MYLK: variants seen among roughly 807,000 people sequenced by gnomAD.
The protein encoded by MYLK is myosin light chain kinase.
MYLK carries 106 observed loss-of-function variants against 203.4 expected under a neutral mutation model. The ratio of observed to expected loss-of-function variants is 0.52; its 90% CI spans 0.45 to 0.61. The LOEUF is 0.61. Among genes scored for constraint, MYLK ranks in the 20% least tolerant of loss-of-function variants. MYLK has a pLI of 0.00. For synonymous variants in MYLK, 867 were observed against 959.5 expected (o/e 0.90, Z 1.78); for missense variants, 2,072 against 2,442.3 (o/e 0.85, Z 3.20).
At chr3:123,639,735 C>T (rs144258199) in intron 28 of MYLK, among the ~76,000 whole-genome samples, 3 of 152,306 alleles carry the variant, frequency 2.0e-5, no homozygotes, top group African/African-American at 7.2e-5. Context: ...CAGCACATCC[C>T]CTGGCTCACA....
Position 123,648,948 on chromosome 3 carries a change from A to G in MYLK, c.4415+23T>C, listed in dbSNP as rs745699460. 16 of 1,608,256 alleles carry G rather than the reference A, an allele frequency of 9.9e-6. No homozygotes were observed. The highest frequency in any genetic ancestry group is 3.3e-5 in the Admixed American group (2 of 59,998). ...CACCACCCTCACCCTGGGAGCCCAG[A>G]GGCAACTTCCCACTCCACTTACGAT... On this transcript the variant is annotated intron_variant, in intron 26 of 33. Transcript: ENST00000360304. This position sits in a 1 kb window ranked among gnomAD's most constrained non-coding sequence, Gnocchi z 4.5.
chr3:123,845,179 T>C (rs2066684338), intron 2 of MYLK, among the ~76,000 whole-genome samples: 1 of 152,164 alleles, frequency 6.6e-6, no homozygotes, highest in Non-Finnish European at 1.5e-5. Context: ...AGGACTGACC[T>C]CCCTGTGGAA....
At chr3:123,638,832 T>A in intron 28 of MYLK, 1 of 985,438 alleles carries the variant, frequency 1.0e-6, no homozygotes. Flanking sequence ...CCCAGGGTGG[T>A]ACCTCTTGGC....
rs111906623 is a variant in MYLK at position 123,671,457 on chromosome 3, C to T, written c.3653-4270G>A. 6.4e-3 allele frequency among the ~76,000 whole-genome samples: 973 copies of T among 152,224 alleles called. 9 individuals carry two copies. Among genetic ancestry groups the T allele is most frequent in the African/African-American group, 0.022 (919 of 41,512 alleles). On this transcript the variant is annotated intron_variant, in intron 20 of 33. Coordinates refer to ENST00000360304, the MANE Select transcript of MYLK (RefSeq NM_053025.4). ...GACACAGGAGAGGGCTGTGGAAGGA[C>T]CCTGAGAGCAGGAGGAGTGTCGCCA...
chr3:123,708,700 T>G lies in MYLK; in HGVS notation c.2138A>C (p.Gln713Pro). Residue 713 changes from glutamine (Q) to proline (P), a missense_variant and splice_region_variant, in exon 15 of 34, where the codon CAA becomes CCA. By Grantham distance (76) the Gln-to-Pro change is moderately conservative (BLOSUM62 -1). Transcript: ENST00000360304. ...EVRTQAVLTVQEPHDGTQPWF... is the reference protein window; with the variant it reads ...EVRTQAVLTVPEPHDGTQPWF... ...CGCTCTGAGTGGGTCAGCCTCACCT[T>G]GTACCGTGAGCACGGCCTGGGTGCG... 1 of 1,614,058 alleles carries G rather than the reference T, an allele frequency of 6.2e-7. No homozygotes were observed. Among genetic ancestry groups the G allele is most frequent in the South Asian group, 1.1e-5 (1 of 91,088 alleles).
rs779565761 is a variant in MYLK at position 123,640,256 on chromosome 3, G to A, written c.4837+31C>T. ...GGAAACGGCCAGTGCAATACACACT[G>A]GTGTCCATGGGAGAGGCAGATGAGC... On this transcript the variant is annotated intron_variant, in intron 28 of 33. Coordinates refer to ENST00000360304, the MANE Select transcript of MYLK (RefSeq NM_053025.4). The surrounding 1 kb of genome is among the most constrained non-coding windows in gnomAD (Gnocchi z 4.3). The A allele has an allele frequency of 6.3e-7, 1 of 1,597,794 alleles. No individual in the cohort carries two copies. Among genetic ancestry groups the A allele is most frequent in the Non-Finnish European group, 8.6e-7 (1 of 1,165,524 alleles).
chr3:123,810,954 C>G (rs981452432), intron 3 of MYLK, among the ~76,000 whole-genome samples: 1 of 152,232 alleles, frequency 6.6e-6, no homozygotes, highest in East Asian at 1.9e-4. Context: ...CTACCTTTTT[C>G]TCCTCACACT....
chr3:123,666,870 G>C, intron 21 of MYLK: 1 of 598,536 alleles, frequency 1.7e-6, no homozygotes, highest in East Asian at 2.8e-5. Flanking sequence ...GGGCAGGCAG[G>C]AGAGCTGCTA....
chr3:123,701,806 ATCAC>A (rs1234008415), intron 16 of MYLK, among the ~76,000 whole-genome samples: 2 of 152,242 alleles, frequency 1.3e-5, no homozygotes, highest in East Asian at 1.9e-4. Context: ...CATTCAATCA[ATCAC>A]TCACTCACTC....
chr3:123,654,713 C>CTTTTT (rs1201129769), intron 24 of MYLK, among the ~76,000 whole-genome samples: 18 of 125,276 alleles, frequency 1.4e-4, no homozygotes, highest in Non-Finnish European at 1.8e-4. Context: ...TTCTTTAATT[C>CTTTTT]TTTTTTTTTT....
chr3:123,627,642 A>G (rs1280962447), intron 30 of MYLK, among the ~76,000 whole-genome samples: 1 of 152,248 alleles, frequency 6.6e-6, no homozygotes, highest in Admixed American at 6.5e-5. Flanking sequence ...GAAGTATAGC[A>G]AAATGTAGTG....
At chr3:123,650,073 C>T (rs1174584537) in intron 24 of MYLK, among the ~76,000 whole-genome samples, 1 of 152,156 alleles carries the variant, frequency 6.6e-6, no homozygotes, top group Non-Finnish European at 1.5e-5. Flanking sequence ...AGGGGGGCAT[C>T]CAGCACAGCA....
intron 9 of MYLK, chr3:123,734,910 A>C: frequency 4.3e-6 from 1 of 232,254 alleles, no homozygotes; most frequent in Non-Finnish European, 8.7e-6. Context: ...TATTCTAATC[A>C]GTGCCTTCCT....
chr3:123,862,874 T>G (rs748221340), intron 2 of MYLK, among the ~76,000 whole-genome samples: 5 of 152,166 alleles, frequency 3.3e-5, no homozygotes, highest in Non-Finnish European at 5.9e-5. Context: ...AGGTATCCCA[T>G]GGGCTCCCCA....
rs768955718 is a variant in MYLK, at chr3:123,611,952, T to A, written c.*2153A>T. 9 of 152,278 alleles carry A rather than the reference T, an allele frequency of 5.9e-5. No homozygotes were observed. The highest frequency in any genetic ancestry group is 1.3e-4 in the Non-Finnish European group (9 of 68,130). The allele number at this position is 152,278 out of a possible 1,614,324, so 9.4% of individuals were successfully genotyped here. ...GCGAGCAATGGGGATCGGCTGTAAATATAGATGATGCTTTGCTCACTTGCC... is the reference window on the plus strand; with the variant it reads ...GCGAGCAATGGGGATCGGCTGTAAAAATAGATGATGCTTTGCTCACTTGCC... On this transcript the variant is annotated 3_prime_UTR_variant, in exon 34 of 34. Coordinates refer to ENST00000360304, the MANE Select transcript of MYLK (RefSeq NM_053025.4).
chr3:123,650,839 A>ATTCTACCTTTTAGGGTGG (rs1258471337), intron 24 of MYLK, among the ~76,000 whole-genome samples: 1 of 152,250 alleles, frequency 6.6e-6, no homozygotes, highest in Non-Finnish European at 1.5e-5. Context: ...GAATCTGATC[A>ATTCTACCTTTTAGGGTGG]TTCTACCTTT....
chr3:123,715,867 G>C (rs765307868), intron 13 of MYLK: 2 of 152,132 alleles, frequency 1.3e-5, no homozygotes, highest in Non-Finnish European at 2.9e-5. Flanking sequence ...ACATTTGCTG[G>C]TCAACTTGCT....
At chr3:123,742,455 G>T (rs570756077) in intron 5 of MYLK, among the ~76,000 whole-genome samples, 2 of 152,064 alleles carry the variant, frequency 1.3e-5, no homozygotes, top group African/African-American at 4.8e-5. Context: ...ATTTTATTCA[G>T]CTGTATTTTC....
At chr3:123,850,258 G>C (rs947934620) in intron 2 of MYLK, among the ~76,000 whole-genome samples, 6 of 152,088 alleles carry the variant, frequency 3.9e-5, no homozygotes, top group South Asian at 2.1e-4. Context: ...GGTATATACC[G>C]AGTAATGGGA....
Sources: gnomAD v4.1 joint callset for allele counts (sites outside exome capture counted in the v4.1 genomes callset) on GRCh38, gnomAD v4.1.1 for gene constraint, Gnocchi (gnomAD v3.1) non-coding constraint, MANE v1.5 for transcripts, NCBI Gene and HGNC (gene_info 2026-07-23, HGNC 2026-07-21) for gene names.